SYNDIG1: variants seen among roughly 807,000 people sequenced by gnomAD.
SYNDIG1 encodes synapse differentiation-inducing gene protein 1.
SYNDIG1 carries 9 observed loss-of-function variants against 19.4 expected under a neutral mutation model. The ratio of observed to expected loss-of-function variants is 0.46; its 90% CI spans 0.28 to 0.81. The LOEUF (loss-of-function observed/expected upper bound fraction) is 0.81. Among genes scored for constraint, SYNDIG1 ranks in the 30% least tolerant of loss-of-function variants. The pLI is 0.12. For missense variants in SYNDIG1, 311 were observed against 343.3 expected (o/e 0.91, Z 0.74); for synonymous variants, 141 against 145.9 (o/e 0.97, Z 0.24).
At chr20:24,611,634 G>A (rs553053526) in intron 3 of SYNDIG1, among the ~76,000 whole-genome samples, 11 of 150,056 alleles carry the variant, frequency 7.3e-5, no homozygotes, top group Non-Finnish European at 1.5e-4. Context: ...CTCCTCCCAT[G>A]CCACCCCTCC....
intron 3 of SYNDIG1, among the ~76,000 whole-genome samples, chr20:24,656,739 G>A (rs976961355): frequency 2.0e-5 from 3 of 152,308 alleles, no homozygotes; most frequent in Middle Eastern, 3.4e-3. Flanking sequence ...TGCCAGCCCC[G>A]CAGCCCCCTC....
chr20:24,632,680 T>G (rs886693263), intron 3 of SYNDIG1, among the ~76,000 whole-genome samples: 1 of 152,204 alleles, frequency 6.6e-6, no homozygotes, highest in African/African-American at 2.4e-5. Flanking sequence ...GGTAACAAGA[T>G]GATAACGTGG....
intron 3 of SYNDIG1, among the ~76,000 whole-genome samples, chr20:24,650,659 G>A (rs1001627664): frequency 2.6e-5 from 4 of 152,222 alleles, no homozygotes; most frequent in Admixed American, 6.5e-5. Flanking sequence ...CTAGGACAGC[G>A]TTCCAGCGTG....
chr20:24,649,315 T>G (rs2147362203), intron 3 of SYNDIG1, among the ~76,000 whole-genome samples: 1 of 152,298 alleles, frequency 6.6e-6, no homozygotes, highest in South Asian at 2.1e-4. Context: ...CTTTGGTGGT[T>G]CCATTGAGAT....
intron 3 of SYNDIG1, among the ~76,000 whole-genome samples, chr20:24,661,459 GT>G (rs1244721518): frequency 7.1e-6 from 1 of 140,194 alleles, no homozygotes; most frequent in Non-Finnish European, 1.6e-5. Context: ...GAGGGAGGAA[GT>G]AGGAAGGAGG....
intron 3 of SYNDIG1, among the ~76,000 whole-genome samples, chr20:24,602,732 T>G (rs6106913): frequency 0.013 from 1,949 of 152,358 alleles, 40 homozygotes; most frequent in African/African-American, 0.043. Context: ...TCTTTAATGT[T>G]TCTTTAAGGA....
At chr20:24,660,417 T>C (rs1053202762) in intron 3 of SYNDIG1, among the ~76,000 whole-genome samples, 1 of 152,190 alleles carries the variant, frequency 6.6e-6, no homozygotes, top group Non-Finnish European at 1.5e-5. Context: ...TGTTGCCTCT[T>C]GGCCTTGCTG....
chr20:24,663,612 A>G lies in SYNDIG1; in HGVS notation c.619-1734A>G, dbSNP rs534095027. Among the ~76,000 whole-genome samples the G allele has an allele frequency of 2.6e-5, 4 of 152,340 alleles. No homozygotes were observed. In the South Asian group the frequency reaches 8.3e-4, roughly 32 times the overall value. On this transcript the variant is annotated intron_variant, in intron 3 of 3. Coordinates refer to ENST00000376862, the MANE Select transcript of SYNDIG1 (RefSeq NM_024893.3). ...ACATGGGCTCTGCCTTGGGGAGCTT[A>G]CAAGTGAGCAGGAAGGCAACTATTC...
intron 3 of SYNDIG1, among the ~76,000 whole-genome samples, chr20:24,591,260 G>A (rs1431398964): frequency 6.6e-6 from 1 of 152,092 alleles, no homozygotes; most frequent in African/African-American, 2.4e-5. Flanking sequence ...TGAGCGTGGT[G>A]GCTCATGCCT....
At chr20:24,620,657 C>G (rs143077383) in intron 3 of SYNDIG1, among the ~76,000 whole-genome samples, 29 of 152,272 alleles carry the variant, frequency 1.9e-4, no homozygotes, top group African/African-American at 7.0e-4. Flanking sequence ...ACATAGATGT[C>G]AAGGCTCTGG....
intron 1 of SYNDIG1, among the ~76,000 whole-genome samples, chr20:24,482,761 G>A (rs1419974613): frequency 6.6e-6 from 1 of 152,248 alleles, no homozygotes; most frequent in East Asian, 1.9e-4. Flanking sequence ...CCAGGGCTGT[G>A]CTGGGTATGT....
At chr20:24,564,276 C>G (rs927068593) in intron 2 of SYNDIG1, among the ~76,000 whole-genome samples, 1 of 152,130 alleles carries the variant, frequency 6.6e-6, no homozygotes, top group Non-Finnish European at 1.5e-5. Context: ...TATTACAATA[C>G]AGTTCAGATA....
At chr20:24,512,111 ATATATATAT>A (rs2056756906) in intron 1 of SYNDIG1, among the ~76,000 whole-genome samples, 3 of 8,128 alleles carry the variant, frequency 3.7e-4, no homozygotes, top group Non-Finnish European at 6.7e-4. Flanking sequence ...TCTTTAAAAT[ATATATATAT>A]ATATATATAT....
chr20:24,508,224 T>TC (rs1055685607), intron 1 of SYNDIG1, among the ~76,000 whole-genome samples: 1 of 117,370 alleles, frequency 8.5e-6, no homozygotes, highest in African/African-American at 3.4e-5. Context: ...GATAATTTTT[T>TC]TTTTTTTTTT....
In SYNDIG1 at chr20:24,525,442, G is replaced by A. The variant is rs192949213; in HGVS notation, c.-78-17578G>A. Among the ~76,000 whole-genome samples, 433 of 151,996 alleles carry A rather than the reference G, an allele frequency of 2.8e-3. 2 individuals carry two copies. The highest frequency in any genetic ancestry group is 0.01 in the African/African-American group (418 of 41,464). On this transcript the variant is annotated intron_variant, in intron 1 of 3. Transcript: ENST00000376862. ...TGGAATTACAGGCACACACCACCAT[G>A]CCTGGCTGATTTTTTATTTTTAGTA...
At chr20:24,555,792 G>A (rs2057801892) in intron 2 of SYNDIG1, among the ~76,000 whole-genome samples, 2 of 152,296 alleles carry the variant, frequency 1.3e-5, no homozygotes, top group East Asian at 1.9e-4. Context: ...TTGATTTGGG[G>A]TGGAGAGTTC....
rs2059648522 is a variant in SYNDIG1, at chr20:24,666,558, A to G, written c.*1054A>G. The G allele has an allele frequency of 6.6e-6, 1 of 152,648 alleles. No individual in the cohort carries two copies. 9.5% of individuals were successfully genotyped at this position (152,648 alleles called of 1,614,324 possible). Reference sequence around the variant, plus strand: ...TTTCATTGCTGTTTTACGAGTGTTCATTACTTAACAAAAAATTATCTTTTA... The same window carrying G: ...TTTCATTGCTGTTTTACGAGTGTTCGTTACTTAACAAAAAATTATCTTTTA... On this transcript the variant is annotated 3_prime_UTR_variant, in exon 4 of 4. Transcript: ENST00000376862.
intron 1 of SYNDIG1, among the ~76,000 whole-genome samples, chr20:24,475,502 G>A (rs1243754438): frequency 6.6e-6 from 1 of 152,212 alleles, no homozygotes; most frequent in Non-Finnish European, 1.5e-5. Flanking sequence ...AGGACCAGTA[G>A]GGCAGTTGAA....
At chr20:24,596,134 C>T (rs1032841846) in intron 3 of SYNDIG1, among the ~76,000 whole-genome samples, 2 of 152,036 alleles carry the variant, frequency 1.3e-5, no homozygotes, top group African/African-American at 4.8e-5. Flanking sequence ...TAGCTGTGTC[C>T]CAGAGATTCT....
Sources: allele counts gnomAD v4.1 joint callset (sites outside exome capture counted in the v4.1 genomes callset), GRCh38; gene constraint gnomAD v4.1.1; transcripts MANE v1.5; gene names NCBI Gene and HGNC (gene_info 2026-07-23, HGNC 2026-07-21).